PARP8: variants seen among roughly 807,000 people sequenced by gnomAD.
PARP8 encodes the protein protein mono-ADP-ribosyltransferase PARP8.
A neutral mutation model predicts 124.1 loss-of-function variants in PARP8; 51 were observed. The ratio of observed to expected loss-of-function variants is 0.41; its 90% CI spans 0.33 to 0.52. The LOEUF (loss-of-function observed/expected upper bound fraction) is 0.52, where lower values mean the gene tolerates loss of function less well. Among genes scored for constraint, PARP8 ranks in the 20% least tolerant of loss-of-function variants. The pLI is 0.21. For missense variants in PARP8, 860 were observed against 1,018.9 expected (o/e 0.84, Z 2.12); for synonymous variants, 391 against 361.5 (o/e 1.08, Z -0.93).
At chr5:50,834,269 T>C (rs1747319219) in intron 24 of PARP8, among the ~76,000 whole-genome samples, 1 of 152,300 alleles carries the variant, frequency 6.6e-6, no homozygotes, top group African/African-American at 2.4e-5. Flanking sequence ...ATATTTTATT[T>C]CTGGCAGATA....
chr5:50,752,643 C>G (rs183846143), intron 3 of PARP8, among the ~76,000 whole-genome samples: 13 of 152,122 alleles, frequency 8.5e-5, no homozygotes, highest in Admixed American at 8.5e-4. Context: ...TTAAAAGATT[C>G]TTTCAAACAA....
chr5:50,845,853 C>T lies in PARP8; in HGVS notation c.*3785C>T, dbSNP rs1315879788. The T allele has an allele frequency of 2.0e-5, 3 of 151,778 alleles. No homozygotes were observed. Among genetic ancestry groups the T allele is most frequent in the African/African-American group, 7.2e-5 (3 of 41,398 alleles). 9.4% of individuals were successfully genotyped at this position (151,778 alleles called of 1,614,324 possible). On this transcript the variant is annotated 3_prime_UTR_variant, in exon 26 of 26. Coordinates refer to ENST00000281631, the MANE Select transcript of PARP8 (RefSeq NM_024615.4). Reference sequence around the variant, plus strand: ...ACACTGGAATGGCAGACTGGATATTCAAGCATTTTGGCATTTAATGCCTGC... The same window carrying T: ...ACACTGGAATGGCAGACTGGATATTTAAGCATTTTGGCATTTAATGCCTGC...
At position 50,833,983 on chromosome 5, in the gene PARP8, A is replaced by T. The variant is rs1191849692; in HGVS notation, c.2312A>T (p.Gln771Leu). The change falls in exon 24 of 26, where the codon CAG becomes CTG. Residue 771 changes from glutamine to leucine, a missense_variant. Around this residue, in one of 2 missense-constraint regions of PARP8, gnomAD observed 343 missense variants for 474.7 expected, o/e 0.72. Transcript: ENST00000281631. Reference sequence around the variant, plus strand: ...TTAATTGTTTTTGGAATTTAGTCACAGAAAAAAGGACAGCAATCCCAATTC... The same window carrying T: ...TTAATTGTTTTTGGAATTTAGTCACTGAAAAAAGGACAGCAATCCCAATTC... ...SSKSSNTSQS[Q>L]KKGQQSQFLQ... 1.2e-6 allele frequency: 2 copies of T among 1,611,744 alleles called. No homozygotes were observed. Among genetic ancestry groups the T allele is most frequent in the East Asian group, 2.2e-5 (1 of 44,734 alleles).
At chr5:50,677,521 G>A (rs745347919) in intron 2 of PARP8, among the ~76,000 whole-genome samples, 17 of 152,124 alleles carry the variant, frequency 1.1e-4, no homozygotes, top group Non-Finnish European at 2.1e-4. Context: ...AACCAGCCTA[G>A]AATGGTGATT....
chr5:50,834,114 G>T, intron 24 of PARP8, 66 bp downstream of exon 24: 1 of 1,290,618 alleles, frequency 7.7e-7, no homozygotes, highest in Non-Finnish European at 1.1e-6. Flanking sequence ...AAAAATATAA[G>T]TATATTTACA....
chr5:50,759,622 CTTTTTTT>C lies in PARP8; in HGVS notation c.185-11_185-5del. The C allele has an allele frequency of 1.5e-6, 2 of 1,326,270 alleles. No homozygotes were observed. Among genetic ancestry groups the C allele is most frequent in the Non-Finnish European group, 2.0e-6 (2 of 1,018,986 alleles). 82.2% of individuals were successfully genotyped at this position (1,326,270 alleles called of 1,614,324 possible). A position where few individuals can be genotyped will look rare whatever the true frequency, so the allele number is the denominator to read the frequency against. On this transcript the variant is annotated splice_polypyrimidine_tract_variant and intron_variant, in intron 3 of 25. Transcript: ENST00000281631. ...TTTTTAAACTTATGCCTTTCATTAT[CTTTTTTT>C]TTTTTTTTTGCAGATAATACATATG...
At chr5:50,743,892 T>G (rs1051879729) in intron 2 of PARP8, among the ~76,000 whole-genome samples, 2 of 152,230 alleles carry the variant, frequency 1.3e-5, no homozygotes, top group African/African-American at 4.8e-5. Flanking sequence ...TTATTTAAAT[T>G]CTTAAAGTGG....
chr5:50,806,681 C>T (rs1348142209), intron 14 of PARP8, among the ~76,000 whole-genome samples: 1 of 151,878 alleles, frequency 6.6e-6, no homozygotes, highest in Non-Finnish European at 1.5e-5. Flanking sequence ...ATTAAAGAAA[C>T]TTTTCATGTT....
intron 2 of PARP8, among the ~76,000 whole-genome samples, chr5:50,671,777 A>G (rs1384203936): frequency 6.6e-6 from 1 of 152,132 alleles, no homozygotes; most frequent in Non-Finnish European, 1.5e-5. Context: ...GAGTTTCCCA[A>G]TTAAGGAGTA....
intron 2 of PARP8, among the ~76,000 whole-genome samples, chr5:50,728,342 G>A (rs758377076): frequency 1.2e-4 from 19 of 152,148 alleles, no homozygotes; most frequent in African/African-American, 7.2e-5. Flanking sequence ...CTGTGAATTA[G>A]CTCATAAAAA....
At chr5:50,683,183 A>T (rs1316367082) in intron 2 of PARP8, among the ~76,000 whole-genome samples, 1 of 152,182 alleles carries the variant, frequency 6.6e-6, no homozygotes, top group East Asian at 1.9e-4. Flanking sequence ...AAATCCTTTT[A>T]TCCTAGCTGG....
intron 2 of PARP8, among the ~76,000 whole-genome samples, chr5:50,738,080 C>T (rs1047278597): frequency 1.1e-4 from 17 of 152,116 alleles, no homozygotes; most frequent in African/African-American, 2.9e-4. Flanking sequence ...CTATTGCCCT[C>T]GTTAGTTGCT....
In PARP8 at chr5:50,828,415, C is replaced by A; in HGVS notation, c.2163+31C>A. The A allele has an allele frequency of 1.9e-6, 3 of 1,570,412 alleles. No individual in the cohort carries two copies. The South Asian group carries it at 3.4e-5, about 18-fold the overall frequency. On this transcript the variant is annotated intron_variant, in intron 21 of 25. Coordinates refer to ENST00000281631, the MANE Select transcript of PARP8 (RefSeq NM_024615.4). ...TTTTCTGAATGCTTTCACAAGACTTCATTCTTCTTCAGAATTGAGATTCAG... is the reference window on the plus strand; with the variant it reads ...TTTTCTGAATGCTTTCACAAGACTTAATTCTTCTTCAGAATTGAGATTCAG...
At chr5:50,741,814 C>A (rs1429440462) in intron 2 of PARP8, 3 of 395,440 alleles carry the variant, frequency 7.6e-6, no homozygotes. Flanking sequence ...TTCTTTTCTT[C>A]TTTTTTTTTT....
At chr5:50,718,942 G>A (rs1269569298) in intron 2 of PARP8, among the ~76,000 whole-genome samples, 1 of 151,850 alleles carries the variant, frequency 6.6e-6, no homozygotes, top group Non-Finnish European at 1.5e-5. Context: ...ATGTACCAGG[G>A]GTCCGCTTTC....
chr5:50,735,960 C>CG (rs1026938897), intron 2 of PARP8, among the ~76,000 whole-genome samples: 1 of 149,848 alleles, frequency 6.7e-6, no homozygotes, highest in African/African-American at 2.5e-5. Flanking sequence ...GGGGATTCCC[C>CG]CCCCCCCTTT....
intron 2 of PARP8, among the ~76,000 whole-genome samples, chr5:50,682,231 G>A (rs1266238692): frequency 1.3e-5 from 2 of 152,080 alleles, no homozygotes; most frequent in East Asian, 3.9e-4. Context: ...CTTTTCCTGA[G>A]TGGAGAAACC....
upstream of PARP8, chr5:50,666,501 A>G (rs1316893773): frequency 6.6e-6 from 1 of 151,440 alleles, no homozygotes; most frequent in Non-Finnish European, 1.5e-5. Flanking sequence ...CGGGATGGCT[A>G]ATACTCTGCG....
intron 2 of PARP8, among the ~76,000 whole-genome samples, chr5:50,701,738 A>G (rs906811780): frequency 2.0e-5 from 3 of 152,154 alleles, no homozygotes; most frequent in African/African-American, 7.2e-5. Flanking sequence ...ATATAGCTAC[A>G]TCCTACAAAA....
Sources: allele counts gnomAD v4.1 joint callset (sites outside exome capture counted in the v4.1 genomes callset), GRCh38; gene constraint gnomAD v4.1.1; regional missense constraint gnomAD v4.1.1; transcripts MANE v1.5; gene names NCBI Gene and HGNC (gene_info 2026-07-23, HGNC 2026-07-21).